Variants in RFX3 observed in about 807,000 individuals in gnomAD.
The protein encoded by RFX3 is regulatory factor X3.
In RFX3, 14 loss-of-function variants were observed where a neutral mutation model predicts 98.6. The ratio of observed to expected loss-of-function variants is 0.14; its 90% CI spans 0.09 to 0.22. The LOEUF is 0.22. RFX3 is among the 10% of genes least tolerant of loss of function. The pLI, the probability that RFX3 is intolerant of heterozygous loss-of-function variation, is 1.00. For synonymous variants in RFX3, 383 were observed against 328.4 expected (o/e 1.17, Z -1.80); for missense variants, 639 against 926.9 (o/e 0.69, Z 4.03).
intron 6 of RFX3, among the ~76,000 whole-genome samples, chr9:3,291,444 C>T (rs900645488): frequency 5.3e-5 from 8 of 151,676 alleles, no homozygotes; most frequent in African/African-American, 1.7e-4. Context: ...ACAGACCTTG[C>T]TGAGTTTCCC....
At chr9:3,294,847 C>A (rs541496654) in intron 5 of RFX3, among the ~76,000 whole-genome samples, 4 of 152,126 alleles carry the variant, frequency 2.6e-5, no homozygotes, top group Non-Finnish European at 5.9e-5. Flanking sequence ...AAGTCCTTCA[C>A]AGGACACATA....
chr9:3,396,310 A>G (rs545617383), intron 1 of RFX3, among the ~76,000 whole-genome samples: 60 of 151,974 alleles, frequency 3.9e-4, no homozygotes, highest in Middle Eastern at 3.4e-3. Flanking sequence ...TTGTCCTTGC[A>G]ATAGTTTGCT....
At chr9:3,440,160 T>C (rs74600121) in intron 1 of RFX3, among the ~76,000 whole-genome samples, 4,166 of 152,176 alleles carry the variant, frequency 0.027, 204 homozygotes, top group African/African-American at 0.096. Context: ...TATTTAAAGA[T>C]GAAAAATTAA....
At chr9:3,233,604 A>C (rs1476033721) in intron 15 of RFX3, among the ~76,000 whole-genome samples, 1 of 152,200 alleles carries the variant, frequency 6.6e-6, no homozygotes, top group African/African-American at 2.4e-5. Flanking sequence ...ATTGGGATGA[A>C]GACCTCACCC....
At chr9:3,356,253 T>C (rs1312300840) in intron 2 of RFX3, among the ~76,000 whole-genome samples, 5 of 149,580 alleles carry the variant, frequency 3.3e-5, no homozygotes, top group Non-Finnish European at 7.5e-5. Flanking sequence ...AAAAAAATAA[T>C]TGAAACAAGA....
chr9:3,394,926 C>T (rs1840701919), intron 2 of RFX3: 1 of 685,960 alleles, frequency 1.5e-6, no homozygotes, highest in Non-Finnish European at 1.8e-6. Context: ...TGAATTCACT[C>T]CCAACTTTTT....
intron 4 of RFX3, among the ~76,000 whole-genome samples, chr9:3,310,772 C>A (rs1208139590): frequency 6.6e-6 from 1 of 152,104 alleles, no homozygotes; most frequent in Admixed American, 6.5e-5. Flanking sequence ...CAAGATTTAT[C>A]ATGCTTAAAT....
chr9:3,366,326 T>C (rs537140855), intron 2 of RFX3, among the ~76,000 whole-genome samples: 76 of 152,328 alleles, frequency 5.0e-4, no homozygotes, highest in African/African-American at 1.7e-3. Context: ...TTTGTTTTTT[T>C]GCACTTAACA....
At chr9:3,257,518 A>G (rs1034023009) in intron 13 of RFX3, among the ~76,000 whole-genome samples, 1 of 152,112 alleles carries the variant, frequency 6.6e-6, no homozygotes, top group African/African-American at 2.4e-5. Context: ...AGAAGTCTGA[A>G]CCTACAGTAG....
intron 1 of RFX3, among the ~76,000 whole-genome samples, chr9:3,396,194 CT>C (rs1184473787): frequency 3.3e-5 from 5 of 152,062 alleles, no homozygotes; most frequent in Non-Finnish European, 5.9e-5. Context: ...CCCCCCTCCC[CT>C]CCACCCCACA....
intron 2 of RFX3, among the ~76,000 whole-genome samples, chr9:3,347,488 A>G (rs563094365): frequency 6.6e-6 from 1 of 152,236 alleles, no homozygotes; most frequent in South Asian, 2.1e-4. Context: ...ATCCAAGATA[A>G]ATTATCTTTT....
At position 3,525,938 on chromosome 9, in the gene RFX3, G is replaced by C. The variant is rs1248436395; in HGVS notation, c.-200C>G. On this transcript the variant is annotated 5_prime_UTR_variant, in exon 1 of 17. Transcript: ENST00000617270. ...CTATAACTCACAAAAGAGAGAGAGAGAGGGAGAGAGAGAGAGAGCGAGAGG... is the reference window on the plus strand; with the variant it reads ...CTATAACTCACAAAAGAGAGAGAGACAGGGAGAGAGAGAGAGAGCGAGAGG... The C allele has an allele frequency of 1.1e-6, 1 of 922,356 alleles. No homozygotes were observed. Among genetic ancestry groups the C allele is most frequent in the East Asian group, 1.2e-4 (1 of 8,414 alleles). The allele number at this position is 922,356 out of a possible 1,614,324, so 57.1% of individuals were successfully genotyped here. A position where few individuals can be genotyped will look rare whatever the true frequency, so the allele number is the denominator to read the frequency against.
intron 1 of RFX3, among the ~76,000 whole-genome samples, chr9:3,503,308 T>C (rs1055261331): frequency 1.3e-5 from 2 of 152,140 alleles, no homozygotes; most frequent in Non-Finnish European, 2.9e-5. Context: ...TTGTATAAGT[T>C]CAAAGAGAGA....
intron 5 of RFX3, among the ~76,000 whole-genome samples, chr9:3,296,941 T>TATTTAAC (rs1828071548): frequency 2.0e-5 from 3 of 152,100 alleles, no homozygotes; most frequent in African/African-American, 7.2e-5. Flanking sequence ...TATACGCCAG[T>TATTTAAC]ATTTAACTTT....
chr9:3,504,856 T>TA lies in RFX3; in HGVS notation c.-9+20890_-9+20891insT, dbSNP rs1338480314. 1.3e-4 allele frequency among the ~76,000 whole-genome samples: 10 copies of TA among 78,214 alleles called. No homozygotes were observed. In the South Asian group the frequency reaches 2.2e-3, roughly 17 times the overall value. The allele number at this position is 78,214 out of a possible 152,430, so 51.3% of individuals were successfully genotyped here. On this transcript the variant is annotated intron_variant, in intron 1 of 16. Coordinates refer to ENST00000617270, the MANE Select transcript of RFX3 (RefSeq NM_001282116.2). Reference sequence around the variant, plus strand: ...ATGTATAAAATATATATATTATATATGATATAATATATATTATATATATTA... The same window carrying TA: ...ATGTATAAAATATATATATTATATATAGATATAATATATATTATATATATTA...
At chr9:3,412,646 C>T (rs1187108265) in intron 1 of RFX3, among the ~76,000 whole-genome samples, 9 of 152,006 alleles carry the variant, frequency 5.9e-5, no homozygotes, top group African/African-American at 1.9e-4. Context: ...GGAGATGCAA[C>T]ATGGTTGCAG....
At chr9:3,499,251 C>T (rs1437574113) in intron 1 of RFX3, among the ~76,000 whole-genome samples, 1 of 151,918 alleles carries the variant, frequency 6.6e-6, no homozygotes, top group African/African-American at 2.4e-5. Context: ...GCACTAAGTA[C>T]CTTCAACTTT....
intron 1 of RFX3, among the ~76,000 whole-genome samples, chr9:3,419,591 G>A (rs537397416): frequency 5.3e-5 from 8 of 152,186 alleles, no homozygotes; most frequent in African/African-American, 1.9e-4. Context: ...ACTCTTCTGA[G>A]AACTAAGTGC....
intron 15 of RFX3, among the ~76,000 whole-genome samples, chr9:3,241,443 G>C (rs903460550): frequency 2.0e-5 from 3 of 152,156 alleles, no homozygotes; most frequent in African/African-American, 7.2e-5. Context: ...CAGCAGGGAA[G>C]AAAGCCACGC....
Sources: allele counts gnomAD v4.1 joint callset (sites outside exome capture counted in the v4.1 genomes callset), GRCh38; gene constraint gnomAD v4.1.1; transcripts MANE v1.5; gene names NCBI Gene and HGNC (gene_info 2026-07-23, HGNC 2026-07-21).